The following STARD9 variants were observed in gnomAD, a reference collection of about 807,000 sequenced individuals.
The protein encoded by STARD9 is stAR-related lipid transfer protein 9.
STARD9 carries 346 observed loss-of-function variants against 399.8 expected under a neutral mutation model. The ratio of observed to expected loss-of-function variants is 0.87; its 90% confidence interval spans 0.79 to 0.95. STARD9 has a LOEUF of 0.95. STARD9 is among the 40% of genes least tolerant of loss of function. The probability of loss-of-function intolerance (pLI) is 0.00; values close to 1 mark genes in which losing one functional copy is unlikely to be tolerated. For missense variants in STARD9, 5,832 were observed against 5,667.5 expected (o/e 1.03, Z -0.93); for synonymous variants, 2,203 against 2,143.5 (o/e 1.03, Z -0.77).
At chr15:42,667,110 T>C (rs970277315) in intron 15 of STARD9, among the ~76,000 whole-genome samples, 1 of 151,938 alleles carries the variant, frequency 6.6e-6, no homozygotes. Context: ...CCACTGTACC[T>C]GGCCCCCAGA....
intron 20 of STARD9, among the ~76,000 whole-genome samples, chr15:42,676,405 G>T (rs1004119056): frequency 6.6e-6 from 1 of 152,150 alleles, no homozygotes; most frequent in African/African-American, 2.4e-5. Context: ...CTTCCAGAAC[G>T]TATGGCTTTC....
chr15:42,577,160 CTT>C (rs869047689), intron 1 of STARD9, among the ~76,000 whole-genome samples: 2 of 146,916 alleles, frequency 1.4e-5, no homozygotes, highest in Non-Finnish European at 1.5e-5. Context: ...TTTCTTTTTT[CTT>C]TTTTTTTTTG....
rs540168976 is a variant in STARD9, at chr15:42,603,192, G to A, written c.234+17555G>A. Reference sequence around the variant, plus strand: ...TTTATTTATTTATTTATTTATTTTCGAGACAGAGTCTTGCTCTGTTGCCTA... The same window carrying A: ...TTTATTTATTTATTTATTTATTTTCAAGACAGAGTCTTGCTCTGTTGCCTA... On this transcript the variant is annotated intron_variant, in intron 3 of 32. Coordinates refer to ENST00000290607, the MANE Select transcript of STARD9 (RefSeq NM_020759.3). 2.3e-4 allele frequency among the ~76,000 whole-genome samples: 35 copies of A among 152,012 alleles called. 1 individual carries two copies. In the South Asian group the frequency reaches 6.8e-3, roughly 30 times the overall value.
intron 9 of STARD9, among the ~76,000 whole-genome samples, chr15:42,654,957 G>A (rs924622109): frequency 6.6e-6 from 1 of 152,036 alleles, no homozygotes; most frequent in African/African-American, 2.4e-5. Context: ...CCAAAAAAGA[G>A]CCCACATAGC....
rs142354228 is a variant in STARD9, at chr15:42,587,118, A to C, written c.234+1481A>C. 3.3e-4 allele frequency among the ~76,000 whole-genome samples: 50 copies of C among 152,300 alleles called. No individual in the cohort carries two copies. In the East Asian group the frequency reaches 9.4e-3, roughly 29 times the overall value. On this transcript the variant is annotated intron_variant, in intron 3 of 32. Coordinates refer to ENST00000290607, the MANE Select transcript of STARD9 (RefSeq NM_020759.3). The stretch of plus-strand genomic sequence containing the variant: ...CAATTATCCTACCTTGGCCTACCAA[A>C]GTGCTGGAATTATAGGCATGAGTAA...
At chr15:42,594,933 C>A (rs1025003357) in intron 3 of STARD9, among the ~76,000 whole-genome samples, 2 of 152,178 alleles carry the variant, frequency 1.3e-5, no homozygotes, top group African/African-American at 2.4e-5. Context: ...TGATTAGATA[C>A]TGCTGCCATA....
chr15:42,685,592 G>A lies in STARD9; in HGVS notation c.4014G>A (p.Trp1338Ter). ...RESPLMSMDS[W>*]FSCDSKINPS... ...GCCCACTGATGTCCATGGATTCCTG[G>A]TTTTCCTGTGACTCTAAGATCAACC... Residue 1338 changes from tryptophan (W) to a stop codon, truncating the protein, a stop_gained, in exon 23 of 33, where the codon TGG (tryptophan) becomes TGA (stop). Transcript: ENST00000290607. LOFTEE classifies it high-confidence loss of function. 6.5e-7 allele frequency: 1 copy of A among 1,537,546 alleles called. No homozygotes were observed. Among genetic ancestry groups the A allele is most frequent in the South Asian group, 1.2e-5 (1 of 84,064 alleles).
intron 24 of STARD9, 31 bp from the exon 25 acceptor site, chr15:42,695,109 C>T (rs777403877): frequency 4.0e-6 from 6 of 1,498,004 alleles, no homozygotes; most frequent in Non-Finnish European, 4.5e-6. Flanking sequence ...ACCCACCCAC[C>T]ATGTTCTTTC....
At chr15:42,713,444 G>A (rs1395135119) in intron 26 of STARD9, among the ~76,000 whole-genome samples, 1 of 152,130 alleles carries the variant, frequency 6.6e-6, no homozygotes, top group Non-Finnish European at 1.5e-5. Flanking sequence ...ATTAGATGTG[G>A]TGAGAGCCGA....
At chr15:42,717,460 C>CA (rs1473938878) in intron 28 of STARD9, among the ~76,000 whole-genome samples, 5 of 151,482 alleles carry the variant, frequency 3.3e-5, no homozygotes, top group Admixed American at 6.6e-5. Context: ...CTGTCTCTAC[C>CA]AAAAAAATAA....
chr15:42,613,355 G>A (rs893431993), intron 3 of STARD9, among the ~76,000 whole-genome samples: 1 of 152,054 alleles, frequency 6.6e-6, no homozygotes, highest in African/African-American at 2.4e-5. Context: ...TAGCAAAGAG[G>A]GGATATTTTA....
At chr15:42,650,425 C>T (rs2059736673) in intron 7 of STARD9, among the ~76,000 whole-genome samples, 1 of 152,192 alleles carries the variant, frequency 6.6e-6, no homozygotes, top group Non-Finnish European at 1.5e-5. Flanking sequence ...CTCCTCTTCA[C>T]CTATCTAAAG....
intron 16 of STARD9, chr15:42,671,870 A>C (rs1188266350): frequency 6.6e-6 from 1 of 152,070 alleles, no homozygotes; most frequent in Non-Finnish European, 1.5e-5. Context: ...TTGAATTCCT[A>C]ACCTCAAGTG....
At chr15:42,674,125 A>G (rs2060260946) in intron 16 of STARD9, among the ~76,000 whole-genome samples, 1 of 152,312 alleles carries the variant, frequency 6.6e-6, no homozygotes, top group Non-Finnish European at 1.5e-5. Context: ...GGCTGTAACT[A>G]TTCCCTAACT....
At chr15:42,714,058 A>ATTTTTT (rs35057586) in intron 26 of STARD9, among the ~76,000 whole-genome samples, 3 of 119,176 alleles carry the variant, frequency 2.5e-5, no homozygotes, top group Admixed American at 1.7e-4. Flanking sequence ...ATGCACTAAG[A>ATTTTTT]TTTTTTTTTT....
intron 2 of STARD9, 72 bp downstream of exon 2, chr15:42,583,487 A>AGG: frequency 8.8e-7 from 1 of 1,130,524 alleles, no homozygotes; most frequent in Non-Finnish European, 1.3e-6. Flanking sequence ...TCCAGGCTGA[A>AGG]GGTGTATATG....
intron 3 of STARD9, among the ~76,000 whole-genome samples, chr15:42,618,910 C>T (rs1314069353): frequency 6.6e-6 from 1 of 151,928 alleles, no homozygotes; most frequent in Non-Finnish European, 1.5e-5. Context: ...TTTTTCTTGT[C>T]CCCAGATATT....
Position 42,720,060 on chromosome 15 carries a change from CA to C in STARD9, c.*487del, listed in dbSNP as rs1484619730. ...TGATGGGACGTTAAAAATACCAAAA[CA>C]GAAAGAGGGTTTAAAAAACAGCTGC... On this transcript the variant is annotated 3_prime_UTR_variant, in exon 33 of 33. Transcript: ENST00000290607. The C allele has an allele frequency of 1.3e-5, 2 of 153,576 alleles. No individual in the cohort carries two copies. Among genetic ancestry groups the C allele is most frequent in the African/African-American group, 4.8e-5 (2 of 41,528 alleles). 9.5% of individuals were successfully genotyped at this position (153,576 alleles called of 1,614,324 possible). A position where few individuals can be genotyped will look rare whatever the true frequency, so the allele number is the denominator to read the frequency against.
At chr15:42,623,004 C>T (rs1226844169) in intron 3 of STARD9, among the ~76,000 whole-genome samples, 2 of 152,120 alleles carry the variant, frequency 1.3e-5, no homozygotes, top group Non-Finnish European at 2.9e-5. Flanking sequence ...GTAATCCCAG[C>T]ACTTTGGGAG....
Sources: allele counts gnomAD v4.1 joint callset (sites outside exome capture counted in the v4.1 genomes callset), GRCh38; gene constraint gnomAD v4.1.1; transcripts MANE v1.5; gene names NCBI Gene and HGNC (gene_info 2026-07-23, HGNC 2026-07-21).